Variants in FRAS1 observed in about 807,000 individuals in gnomAD.
FRAS1 encodes extracellular matrix organizing protein FRAS1.
A neutral mutation model predicts 435.2 loss-of-function variants in FRAS1; 290 were observed. The ratio of observed to expected loss-of-function variants is 0.67; its 90% CI spans 0.61 to 0.73. The LOEUF is 0.73. Ranked by LOEUF, FRAS1 falls within the 30% of genes least tolerant of loss-of-function variation. The probability of loss-of-function intolerance (pLI) is 0.00; values close to 1 mark genes in which losing one functional copy is unlikely to be tolerated. For synonymous variants in FRAS1, 1,800 were observed against 1,851.0 expected (o/e 0.97, Z 0.71); for missense variants, 4,860 against 5,001.5 (o/e 0.97, Z 0.85).
intron 70 of FRAS1, among the ~76,000 whole-genome samples, chr4:78,529,048 C>T (rs1226512643): frequency 1.3e-5 from 2 of 152,124 alleles, no homozygotes; most frequent in East Asian, 3.9e-4. Context: ...GGTGATGGTG[C>T]ATAATGGGCC....
intron 29 of FRAS1, among the ~76,000 whole-genome samples, 181 bp downstream of exon 29, chr4:78,387,882 T>TCC (rs1732284942): frequency 6.6e-6 from 1 of 152,190 alleles, no homozygotes; most frequent in Non-Finnish European, 1.5e-5. Flanking sequence ...GAAAGACCTG[T>TCC]CCCCATGTTC....
intron 2 of FRAS1, among the ~76,000 whole-genome samples, chr4:78,182,901 A>AG (rs1560568052): frequency 6.6e-6 from 1 of 151,234 alleles, no homozygotes; most frequent in Non-Finnish European, 1.5e-5. Flanking sequence ...AAAAAGAAAA[A>AG]AAAAAATGCC....
At position 78,421,878 on chromosome 4, in the gene FRAS1, G is replaced by A. The variant is rs751175883; in HGVS notation, c.4556G>A (p.Arg1519Gln). The A allele has an allele frequency of 3.8e-5, 61 of 1,613,752 alleles. No individual in the cohort carries two copies. The highest frequency in any genetic ancestry group is 1.7e-4 in the Admixed American group (10 of 60,004). ...TTCCTCCCAGGTATCATCGAGCACCGGGACCACCCTCACTCTCCTATCCGG... is the reference window on the plus strand; with the variant it reads ...TTCCTCCCAGGTATCATCGAGCACCAGGACCACCCTCACTCTCCTATCCGG... Reference protein sequence around the residue: ...LHPNQGIIEHRDHPHSPIRYF... With the variant: ...LHPNQGIIEHQDHPHSPIRYF... Residue 1519 changes from arginine (R) to glutamine (Q), a missense_variant, in exon 34 of 74, where the codon CGG (arginine) becomes CAG (glutamine). Arg to Gln is a conservative substitution (Grantham distance 43, BLOSUM62 1). Transcript: ENST00000512123.
At chr4:78,144,540 G>T (rs1042133958) in intron 2 of FRAS1, among the ~76,000 whole-genome samples, 1 of 151,024 alleles carries the variant, frequency 6.6e-6, no homozygotes, top group Non-Finnish European at 1.5e-5. Context: ...TCCTGTATTT[G>T]TTTACATTTT....
chr4:78,372,636 G>A, intron 23 of FRAS1, 82 bp from the exon 24 acceptor site: 1 of 1,535,552 alleles, frequency 6.5e-7, no homozygotes, highest in South Asian at 1.1e-5. Context: ...CCTTGCAGCT[G>A]CAGACAGAGT....
chr4:78,182,463 G>T (rs1165354545), intron 2 of FRAS1, among the ~76,000 whole-genome samples: 1 of 152,212 alleles, frequency 6.6e-6, no homozygotes, highest in South Asian at 2.1e-4. Flanking sequence ...CTATTTTCCT[G>T]GGTGGATGAT....
intron 14 of FRAS1, among the ~76,000 whole-genome samples, chr4:78,296,023 G>C (rs765842930): frequency 3.4e-4 from 51 of 151,740 alleles, no homozygotes; most frequent in Non-Finnish European, 5.9e-4. Context: ...AAACTGCTGG[G>C]ATTACAGGCA....
chr4:78,446,258 T>C (rs1437601908), intron 42 of FRAS1: 1 of 1,005,298 alleles, frequency 9.9e-7, no homozygotes, highest in Non-Finnish European at 1.2e-6. Flanking sequence ...TCTGCACTCT[T>C]AAGGGTCAGT....
intron 59 of FRAS1, among the ~76,000 whole-genome samples, chr4:78,489,976 A>AAAAAAAAG (rs1720296355): frequency 6.7e-6 from 1 of 150,366 alleles, no homozygotes; most frequent in East Asian, 1.9e-4. Context: ...AACAAAAAAA[A>AAAAAAAAG]AAAAAAAAAA....
At chr4:78,454,417 G>A (rs942449849) in intron 47 of FRAS1, among the ~76,000 whole-genome samples, 6 of 152,174 alleles carry the variant, frequency 3.9e-5, no homozygotes, top group Non-Finnish European at 7.3e-5. Flanking sequence ...CATGTAGTAC[G>A]TGTATGGCAG....
chr4:78,436,895 C>T (rs1159370123), intron 38 of FRAS1, among the ~76,000 whole-genome samples: 3 of 152,066 alleles, frequency 2.0e-5, no homozygotes, highest in African/African-American at 7.2e-5. Flanking sequence ...ATTCTCAAAG[C>T]TCTAGTCCTC....
rs146045045 is a variant in FRAS1, at chr4:78,449,510, G to A, written c.6275-641G>A. Among the ~76,000 whole-genome samples the A allele has an allele frequency of 2.9e-3, 447 of 152,182 alleles. 2 individuals carry two copies. The highest frequency in any genetic ancestry group is 0.01 in the African/African-American group (424 of 41,510). On this transcript the variant is annotated intron_variant, in intron 44 of 73. Transcript: ENST00000512123. ...TGAATAACTAGGCTCTACTTTACCG[G>A]GATTTACTATTTTTAACATGATAAA...
chr4:78,271,440 A>ATC (rs1024023084), intron 9 of FRAS1, among the ~76,000 whole-genome samples: 4 of 152,066 alleles, frequency 2.6e-5, no homozygotes, highest in Non-Finnish European at 5.9e-5. Flanking sequence ...CATTAGGTAT[A>ATC]TCTCCTAATG....
chr4:78,093,738 A>C (rs370343110), intron 2 of FRAS1, among the ~76,000 whole-genome samples: 8 of 152,170 alleles, frequency 5.3e-5, no homozygotes, highest in African/African-American at 1.9e-4. Flanking sequence ...GTGAATGGTG[A>C]AAGAACATAG....
At chr4:78,157,453 G>T (rs1228691110) in intron 2 of FRAS1, among the ~76,000 whole-genome samples, 1 of 152,146 alleles carries the variant, frequency 6.6e-6, no homozygotes, top group East Asian at 1.9e-4. Flanking sequence ...GTGTATAAGT[G>T]TTCCCTTTGT....
At chr4:78,477,604 A>G (rs1719889264) in intron 54 of FRAS1, among the ~76,000 whole-genome samples, 1 of 152,196 alleles carries the variant, frequency 6.6e-6, no homozygotes, top group Non-Finnish European at 1.5e-5. Flanking sequence ...GTCCTTATAC[A>G]ATAAAGCAGC....
In FRAS1 at chr4:78,489,968, C is replaced by CAAAAAAAAAAAAAA. The variant is rs61568957; in HGVS notation, c.8958+894_8958+907dup. The stretch of plus-strand genomic sequence containing the variant: ...ACTCACCACTAAAGCTAGTGGAAAA[C>CAAAAAAAAAAAAAA]AAAAAAAAAAAAAAAAAAAGAAAAG... On this transcript the variant is annotated intron_variant, in intron 59 of 73. Transcript: ENST00000512123. Among the ~76,000 whole-genome samples, 610 of 92,182 alleles carry CAAAAAAAAAAAAAA rather than the reference C, an allele frequency of 6.6e-3. 17 individuals are homozygous for CAAAAAAAAAAAAAA. Among genetic ancestry groups the CAAAAAAAAAAAAAA allele is most frequent in the Non-Finnish European group, 9.7e-3 (469 of 48,386 alleles). The allele number at this position is 92,182 out of a possible 152,430, so 60.5% of individuals were successfully genotyped here.
chr4:78,282,722 C>A, intron 11 of FRAS1, 98 bp from the exon 12 acceptor site: 2 of 1,401,430 alleles, frequency 1.4e-6, no homozygotes, highest in East Asian at 2.3e-5. Context: ...TAGCTGCCTT[C>A]ACTTTGTTCT....
intron 18 of FRAS1, among the ~76,000 whole-genome samples, chr4:78,325,741 CATAATA>C (rs1729692209): frequency 1.3e-5 from 2 of 152,152 alleles, no homozygotes; most frequent in African/African-American, 2.4e-5. Flanking sequence ...TGACACATGC[CATAATA>C]GCAGTAGTCA....
Sources: gnomAD v4.1 joint callset for allele counts (sites outside exome capture counted in the v4.1 genomes callset) on GRCh38, gnomAD v4.1.1 for gene constraint, MANE v1.5 for transcripts, NCBI Gene and HGNC (gene_info 2026-07-23, HGNC 2026-07-21) for gene names.